Variants in ALLC observed in about 807,000 individuals in gnomAD.
The protein encoded by ALLC is allantoicase.
In ALLC, 40 loss-of-function variants were observed where a neutral mutation model predicts 45.0. The ratio of observed to expected loss-of-function variants is 0.89; its 90% confidence interval spans 0.69 to 1.16. The LOEUF is 1.16. Ranked by LOEUF, ALLC falls within the 50% of genes most tolerant of loss-of-function variation. The probability of loss-of-function intolerance (pLI) is 0.00; values close to 1 mark genes in which losing one functional copy is unlikely to be tolerated. For synonymous variants in ALLC, 176 were observed against 178.1 expected, an observed-to-expected ratio of 0.99 and a Z score of 0.09; for missense variants, 488 against 493.1, an observed-to-expected ratio of 0.99 and a Z score of 0.10.
chr2:3,674,157 G>C (rs773321980), intron 3 of ALLC, 32 bp downstream of exon 3: 4 of 1,480,840 alleles, frequency 2.7e-6, no homozygotes, highest in African/African-American at 2.8e-5. Context: ...CAATGTAAAG[G>C]GTTGATGTAG....
chr2:3,697,357 A>T lies in ALLC; in HGVS notation c.751A>T (p.Asn251Tyr). The change falls in exon 10 of 12, where the codon AAT becomes TAT. Residue 251 changes from asparagine (N) to tyrosine (Y), a missense_variant. Asn to Tyr is a moderately radical substitution (Grantham distance 143). Coordinates refer to ENST00000252505, the MANE Select transcript of ALLC (RefSeq NM_018436.4). ...DRPPILENDE[N>Y]GILLVPGCEW... Reference sequence around the variant, plus strand: ...CTCTTCTGAATTCCAGAATGATGAGAATGGCATTCTCTTGGTTCCGGGTTG... The same window carrying T: ...CTCTTCTGAATTCCAGAATGATGAGTATGGCATTCTCTTGGTTCCGGGTTG... 1 of 1,613,646 alleles carries T rather than the reference A, an allele frequency of 6.2e-7. No homozygotes were observed. Among genetic ancestry groups the T allele is most frequent in the South Asian group, 1.1e-5 (1 of 91,068 alleles).
Position 3,696,286 on chromosome 2 carries a change from G to T in ALLC, c.679G>T (p.Ala227Ser). Residue 227 changes from alanine (A) to serine (S), a missense_variant, in exon 9 of 12, where the codon GCA (alanine) becomes TCA (serine). Coordinates refer to ENST00000252505, the MANE Select transcript of ALLC (RefSeq NM_018436.4). The part of the protein sequence containing the change: ...HPNNIIGVGG[A>S]KSMADGWETA... ...GTTATTTTCTGTAGGAGTTGGCGGGGCAAAGTCTATGGCGGATGGTTGGGA... is the reference window on the plus strand; with the variant it reads ...GTTATTTTCTGTAGGAGTTGGCGGGTCAAAGTCTATGGCGGATGGTTGGGA... 6.2e-7 allele frequency: 1 copy of T among 1,612,880 alleles called. No individual in the cohort carries two copies. The highest frequency in any genetic ancestry group is 8.5e-7 in the Non-Finnish European group (1 of 1,179,368).
chr2:3,701,653 A>T lies in ALLC; in HGVS notation c.975+17A>T. ...GTGACCAAGGTTCGTGTGGCATGTTATTCGGATCCAGCACTCAGACTGTGC... is the reference window on the plus strand; with the variant it reads ...GTGACCAAGGTTCGTGTGGCATGTTTTTCGGATCCAGCACTCAGACTGTGC... On this transcript the variant is annotated intron_variant, in intron 11 of 11. Coordinates refer to ENST00000252505, the MANE Select transcript of ALLC (RefSeq NM_018436.4). 1 of 1,607,638 alleles carries T rather than the reference A, an allele frequency of 6.2e-7. No homozygotes were observed. Among genetic ancestry groups the T allele is most frequent in the Non-Finnish European group, 8.5e-7 (1 of 1,175,884 alleles).
chr2:3,698,164 C>T (rs1047311300), intron 10 of ALLC, among the ~76,000 whole-genome samples: 2 of 151,968 alleles, frequency 1.3e-5, no homozygotes, highest in African/African-American at 4.8e-5. Flanking sequence ...GGGGTTTCAC[C>T]ATGTTGACCA....
intron 10 of ALLC, among the ~76,000 whole-genome samples, chr2:3,699,889 G>A (rs1045313160): frequency 1.1e-4 from 16 of 152,102 alleles, no homozygotes; most frequent in Non-Finnish European, 2.1e-4. Flanking sequence ...ATAGATTCTG[G>A]ATATTAGACC....
intron 1 of ALLC, among the ~76,000 whole-genome samples, chr2:3,670,026 C>A (rs771621659): frequency 2.0e-5 from 3 of 152,158 alleles, no homozygotes; most frequent in Non-Finnish European, 4.4e-5. Flanking sequence ...GAGGAGGAGA[C>A]TCCAGTGAGC....
Position 3,681,666 on chromosome 2 carries a change from A to G in ALLC, c.331A>G (p.Arg111Gly). 1 of 1,611,224 alleles carries G rather than the reference A, an allele frequency of 6.2e-7. No individual in the cohort carries two copies. The highest frequency in any genetic ancestry group is 1.1e-5 in the South Asian group (1 of 90,272). The change falls in exon 6 of 12, where the codon AGG (arginine) becomes GGG (glycine). Residue 111 changes from arginine to glycine, a missense_variant. Physicochemically the swap from Arg to Gly is moderately radical, Grantham distance 125 (BLOSUM62 -2). Transcript: ENST00000252505. ...KLPEIPERGTRTGAAATPEEF... is the reference protein window; with the variant it reads ...KLPEIPERGTGTGAAATPEEF... ...ACCAGAAATCCCAGAAAGAGGAACC[A>G]GGACAGGAGCTGCAGCCACTCCTGA...
chr2:3,683,008 G>A lies in ALLC; in HGVS notation c.445G>A (p.Gly149Ser), dbSNP rs540254607. ...TELKPGNPASGHNYFLVNSQQ... is the reference protein window; with the variant it reads ...TELKPGNPASSHNYFLVNSQQ... ...GCTTAAGCCAGGAAACCCTGCTTCC[G>A]GCCACAACTATTTTCTTGTCAATTC... Residue 149 changes from glycine to serine, a missense_variant, in exon 7 of 12, where the codon GGC becomes AGC. Transcript: ENST00000252505. 1.4e-5 allele frequency: 23 copies of A among 1,613,926 alleles called. 1 individual carries two copies. The Admixed American group carries it at 2.3e-4, about 16-fold the overall frequency.
intron 3 of ALLC, among the ~76,000 whole-genome samples, chr2:3,677,490 C>T (rs1369519245): frequency 1.3e-5 from 2 of 152,242 alleles, no homozygotes; most frequent in Non-Finnish European, 2.9e-5. Context: ...AAATACTGGG[C>T]ACTTACTATG....
rs541632047 is a variant in ALLC, at chr2:3,670,614, G to A, written c.-62-482G>A. On this transcript the variant is annotated intron_variant, in intron 1 of 11. Transcript: ENST00000252505. Reference sequence around the variant, plus strand: ...GGCTCCAGAGCGTGGCCTGGCCTGCGCGTCAGTGGACGTCTGTTCCCGTGT... The same window carrying A: ...GGCTCCAGAGCGTGGCCTGGCCTGCACGTCAGTGGACGTCTGTTCCCGTGT... Among the ~76,000 whole-genome samples the A allele has an allele frequency of 5.9e-5, 9 of 152,314 alleles. No homozygotes were observed. The South Asian group carries it at 1.0e-3, about 18-fold the overall frequency.
chr2:3,649,067 G>A, the ALLC span, among the ~76,000 whole-genome samples: 3 of 152,230 alleles, frequency 2.0e-5, no homozygotes, highest in South Asian at 6.2e-4. Flanking sequence ...CCGTAGACGG[G>A]TTCATAGAAA....
intron 1 of ALLC, among the ~76,000 whole-genome samples, chr2:3,666,814 C>G (rs979750726): frequency 6.6e-6 from 1 of 152,114 alleles, no homozygotes; most frequent in Non-Finnish European, 1.5e-5. Context: ...AGCTCTGCGT[C>G]GTAATCTTTT....
At chr2:3,681,096 G>A (rs1319365509) in intron 5 of ALLC, among the ~76,000 whole-genome samples, 1 of 152,220 alleles carries the variant, frequency 6.6e-6, no homozygotes, top group East Asian at 1.9e-4. Flanking sequence ...GCTGCATGAG[G>A]CTCTGTGGAC....
At chr2:3,649,442 C>T in the ALLC span, among the ~76,000 whole-genome samples, 2 of 152,102 alleles carry the variant, frequency 1.3e-5, no homozygotes, top group Non-Finnish European at 2.9e-5. Context: ...GGGGTTTCAC[C>T]GTGTTAGCCA....
At chr2:3,684,347 A>T (rs1237411205) in intron 7 of ALLC, among the ~76,000 whole-genome samples, 2 of 152,060 alleles carry the variant, frequency 1.3e-5, no homozygotes, top group Non-Finnish European at 2.9e-5. Context: ...AATGAGGAGG[A>T]ACATCTTTTC....
At chr2:3,676,605 C>T (rs1667030972) in intron 3 of ALLC, among the ~76,000 whole-genome samples, 2 of 152,152 alleles carry the variant, frequency 1.3e-5, no homozygotes, top group Admixed American at 6.5e-5. Flanking sequence ...TGTGTGTAGA[C>T]CCAGGCCACC....
rs752388168 is a variant in ALLC at position 3,696,356 on chromosome 2, G to A, written c.741+8G>A. 3 of 1,605,330 alleles carry A rather than the reference G, an allele frequency of 1.9e-6. No homozygotes were observed. The highest frequency in any genetic ancestry group is 1.7e-6 in the Non-Finnish European group (2 of 1,176,108). On this transcript the variant is annotated splice_region_variant and intron_variant, in intron 9 of 11. Coordinates refer to ENST00000252505, the MANE Select transcript of ALLC (RefSeq NM_018436.4). ...CGGCCACCAATATTAGAAGTAAGAA[G>A]TTAAAAATAACTATGGTTTAAAGTT... is the stretch of plus-strand genomic sequence containing the variant.
chr2:3,673,812 T>G (rs1245210414), intron 2 of ALLC, among the ~76,000 whole-genome samples: 1 of 152,220 alleles, frequency 6.6e-6, no homozygotes, highest in South Asian at 2.1e-4. Context: ...TATTTGCTTC[T>G]TGAGTGTAAG....
At chr2:3,682,885 A>G (rs986952035) in intron 6 of ALLC, 57 bp from the exon 7 acceptor site, 1 of 1,582,134 alleles carries the variant, frequency 6.3e-7, no homozygotes, top group African/African-American at 1.4e-5. Flanking sequence ...AGGCAATAGG[A>G]TGACAGAATT....
Sources: gnomAD v4.1 joint callset for allele counts (sites outside exome capture counted in the v4.1 genomes callset) on GRCh38, gnomAD v4.1.1 for gene constraint, MANE v1.5 for transcripts, NCBI Gene and HGNC (gene_info 2026-07-23, HGNC 2026-07-21) for gene names.